COL26A1: variants seen among roughly 807,000 people sequenced by gnomAD.
The protein encoded by COL26A1 is collagen type XXVI alpha 1 chain.
A neutral mutation model predicts 59.3 loss-of-function variants in COL26A1; 41 were observed. The observed-to-expected ratio is 0.69, with a 90% CI of 0.54 to 0.90. The LOEUF is 0.90. COL26A1 is among the 40% of genes least tolerant of loss of function. The pLI is 0.00. For missense variants in COL26A1, 612 were observed against 602.3 expected (o/e 1.02, Z -0.17); for synonymous variants, 266 against 256.0 (o/e 1.04, Z -0.37).
At chr7:101,443,593 A>C (rs1323834262) in intron 2 of COL26A1, among the ~76,000 whole-genome samples, 5 of 152,184 alleles carry the variant, frequency 3.3e-5, no homozygotes, top group African/African-American at 9.6e-5. Context: ...TCAGGGGGAC[A>C]TTGTGCAAAC....
At chr7:101,414,205 A>G (rs2130252428) in intron 1 of COL26A1, among the ~76,000 whole-genome samples, 1 of 152,214 alleles carries the variant, frequency 6.6e-6, no homozygotes, top group South Asian at 2.1e-4. Flanking sequence ...TTTAAAGACC[A>G]AATGTTATGG....
rs1285508284 is a variant in COL26A1 at position 101,419,947 on chromosome 7, G to T, written c.159-30G>T. ...AAGTTGGCAGCTCTGGGAACAGGCA[G>T]GGCTCATGTGACTGTTGCTCTCTCC... On this transcript the variant is annotated intron_variant, in intron 1 of 12. Transcript: ENST00000313669. 3.7e-6 allele frequency: 6 copies of T among 1,610,494 alleles called. No individual in the cohort carries two copies. The South Asian group carries it at 4.4e-5, about 12-fold the overall frequency.
intron 1 of COL26A1, among the ~76,000 whole-genome samples, chr7:101,365,830 A>G (rs2116992698): frequency 1.3e-5 from 2 of 152,094 alleles, no homozygotes; most frequent in Middle Eastern, 3.4e-3. Flanking sequence ...GAAAAAAAAA[A>G]AGGTGTTTGC....
chr7:101,544,126 G>C (rs374745477), intron 6 of COL26A1, 30 bp downstream of exon 6: 8 of 1,525,530 alleles, frequency 5.2e-6, no homozygotes, highest in Admixed American at 1.9e-5. Flanking sequence ...ATGTGATGTT[G>C]TCAACCTGCG....
intron 1 of COL26A1, among the ~76,000 whole-genome samples, chr7:101,380,292 ATTTTTTT>A (rs34990402): frequency 2.0e-3 from 236 of 115,910 alleles, no homozygotes; most frequent in Non-Finnish European, 3.1e-3. Context: ...ACCCAGCTAC[ATTTTTTT>A]TTTTTTTTTT....
intron 1 of COL26A1, 112 bp downstream of exon 1, chr7:101,363,302 C>A: frequency 1.3e-6 from 1 of 758,814 alleles, no homozygotes; most frequent in Non-Finnish European, 1.7e-6. Flanking sequence ...CGGGGCGATC[C>A]GGGACTTGGG....
rs566030968 is a variant in COL26A1 at position 101,539,994 on chromosome 7, C to T, written c.549C>T (p.Asp183=). Residue 183 remains aspartate, a synonymous_variant, in exon 5 of 13, where the codon GAC becomes GAT. Transcript: ENST00000313669. ...PPTWNEDFLP[D]AIPLAHPVPR... is the part of the protein sequence containing the mutation. ...CCTGGAATGAGGACTTCCTCCCCGA[C>T]GCCATCCCTCTTGCTCACCCTGTGC... The T allele has an allele frequency of 1.2e-5, 19 of 1,613,614 alleles. No homozygotes were observed. The highest frequency in any genetic ancestry group is 1.6e-4 in the Middle Eastern group (1 of 6,062).
intron 3 of COL26A1, among the ~76,000 whole-genome samples, chr7:101,489,691 T>TTCTG (rs1554421163): frequency 0.1 from 1,779 of 16,986 alleles, 430 homozygotes; most frequent in Admixed American, 0.13. Flanking sequence ...CTTTCTTTCT[T>TTCTG]TCTTTCTGTC....
At chr7:101,362,863 A>G, upstream of COL26A1, 1 of 615,520 alleles carries the variant, frequency 1.6e-6, no homozygotes, top group Non-Finnish European at 2.7e-6. Context: ...GCGGCCCCGG[A>G]GAGGCGTGGG....
intron 3 of COL26A1, among the ~76,000 whole-genome samples, chr7:101,525,153 C>T (rs183450902): frequency 7.0e-4 from 102 of 146,464 alleles, no homozygotes; most frequent in African/African-American, 2.5e-3. Flanking sequence ...CACTCAGTAT[C>T]CATAGTTTGA....
intron 3 of COL26A1, among the ~76,000 whole-genome samples, chr7:101,477,545 T>C (rs1794076446): frequency 6.6e-6 from 1 of 152,042 alleles, no homozygotes; most frequent in Admixed American, 6.6e-5. Context: ...GGAGGAAGGG[T>C]GTATAGGGAG....
At chr7:101,431,312 G>A (rs1018760151) in intron 2 of COL26A1, among the ~76,000 whole-genome samples, 13 of 152,020 alleles carry the variant, frequency 8.6e-5, no homozygotes, top group African/African-American at 3.1e-4. Context: ...GAGTGCACTG[G>A]TGCAGTCATA....
At chr7:101,509,509 C>T (rs948103390) in intron 3 of COL26A1, among the ~76,000 whole-genome samples, 13 of 152,122 alleles carry the variant, frequency 8.5e-5, no homozygotes, top group African/African-American at 3.1e-4. Flanking sequence ...CCTCCTTGCA[C>T]CTAGAGCAAT....
chr7:101,470,400 A>T (rs955027706), intron 3 of COL26A1, among the ~76,000 whole-genome samples: 2 of 151,874 alleles, frequency 1.3e-5, no homozygotes, highest in African/African-American at 4.8e-5. Context: ...AGCCCCGGGT[A>T]GCCCTTTTCT....
chr7:101,490,314 C>A (rs1227733532), intron 3 of COL26A1, among the ~76,000 whole-genome samples: 1 of 151,978 alleles, frequency 6.6e-6, no homozygotes, highest in Non-Finnish European at 1.5e-5. Context: ...TGAGCTCAAG[C>A]GATCCTACCA....
intron 2 of COL26A1, among the ~76,000 whole-genome samples, chr7:101,431,966 A>ATT (rs35468529): frequency 0.031 from 4,176 of 133,478 alleles, 152 homozygotes; most frequent in African/African-American, 0.083. Context: ...TAATTTTATA[A>ATT]TTTTTTTTTT....
chr7:101,489,808 TTC>T (rs1434051792), intron 3 of COL26A1, among the ~76,000 whole-genome samples: 1 of 3,212 alleles, frequency 3.1e-4, no homozygotes, highest in East Asian at 3.2e-3. Context: ...CTTTCTTTCT[TTC>T]TTTCTTTCTT....
In COL26A1 at chr7:101,514,626, G is replaced by A. The variant is rs1378256967; in HGVS notation, c.386-18456G>A. Among the ~76,000 whole-genome samples, 10 of 152,306 alleles carry A rather than the reference G, an allele frequency of 6.6e-5. 1 individual carries two copies. Among genetic ancestry groups the A allele is most frequent in the African/African-American group, 2.4e-4 (10 of 41,576 alleles). Reference sequence around the variant, plus strand: ...GGGTCTTACCCCAGGCTCTGGGGGTGGGTGGGGCTGATCCACTGATGTCAG... The same window carrying A: ...GGGTCTTACCCCAGGCTCTGGGGGTAGGTGGGGCTGATCCACTGATGTCAG... On this transcript the variant is annotated intron_variant, in intron 3 of 12. Transcript: ENST00000313669.
chr7:101,450,181 G>A (rs1432565418), intron 3 of COL26A1, among the ~76,000 whole-genome samples: 1 of 151,906 alleles, frequency 6.6e-6, no homozygotes, highest in Non-Finnish European at 1.5e-5. Flanking sequence ...ACATGGGGCA[G>A]GCCGGGCACA....
Sources: allele counts gnomAD v4.1 joint callset (sites outside exome capture counted in the v4.1 genomes callset), GRCh38; gene constraint gnomAD v4.1.1; transcripts MANE v1.5; gene names NCBI Gene and HGNC (gene_info 2026-07-23, HGNC 2026-07-21).